Variants in GRM8 observed in about 807,000 individuals in gnomAD.
GRM8 encodes metabotropic glutamate receptor 8.
In GRM8, 47 loss-of-function variants were observed where a neutral mutation model predicts 87.2. That is an observed-to-expected ratio of 0.54 (90% CI 0.43 to 0.69). The LOEUF is 0.69. GRM8 is among the 30% of genes least tolerant of loss of function. The probability of loss-of-function intolerance (pLI) is 0.00; values close to 1 mark genes in which losing one functional copy is unlikely to be tolerated. For missense variants in GRM8, 1,019 were observed against 1,139.2 expected (o/e 0.89, Z 1.52); for synonymous variants, 396 against 404.5 (o/e 0.98, Z 0.25).
chr7:126,936,357 A>G (rs1030098367), intron 3 of GRM8, among the ~76,000 whole-genome samples: 1 of 152,098 alleles, frequency 6.6e-6, no homozygotes, highest in African/African-American at 2.4e-5. Context: ...TAGGAAAGAG[A>G]AAGTATTTAA....
At chr7:127,054,781 T>C (rs1819822462) in intron 3 of GRM8, among the ~76,000 whole-genome samples, 1 of 152,064 alleles carries the variant, frequency 6.6e-6, no homozygotes, top group Admixed American at 6.6e-5. Context: ...GGATAATAAA[T>C]AGGTTGTATA....
chr7:126,855,748 T>G (rs1320419861), intron 6 of GRM8, among the ~76,000 whole-genome samples: 1 of 152,162 alleles, frequency 6.6e-6, no homozygotes, highest in Non-Finnish European at 1.5e-5. Context: ...GTGCTGGGAT[T>G]ACAGGTGTGA....
chr7:126,509,397 T>C (rs1810994233), intron 9 of GRM8, among the ~76,000 whole-genome samples: 1 of 152,038 alleles, frequency 6.6e-6, no homozygotes, highest in South Asian at 2.1e-4. Context: ...AGGTAATGGC[T>C]GATACGCACA....
chr7:126,815,749 T>C (rs1793727018), intron 6 of GRM8, among the ~76,000 whole-genome samples: 1 of 152,166 alleles, frequency 6.6e-6, no homozygotes, highest in African/African-American at 2.4e-5. Context: ...GACTATAAAC[T>C]ATTCTTCTTT....
At chr7:126,978,773 A>G (rs561363945) in intron 3 of GRM8, among the ~76,000 whole-genome samples, 1 of 152,320 alleles carries the variant, frequency 6.6e-6, no homozygotes, top group African/African-American at 2.4e-5. Context: ...AAATCCTTAC[A>G]AAAGACTTTC....
At chr7:126,973,262 G>T (rs1369921700) in intron 3 of GRM8, among the ~76,000 whole-genome samples, 1 of 152,156 alleles carries the variant, frequency 6.6e-6, no homozygotes, top group East Asian at 1.9e-4. Context: ...GATGCTGCTG[G>T]TCTGCAGACC....
chr7:126,947,708 C>T (rs1391694736), intron 3 of GRM8, among the ~76,000 whole-genome samples: 1 of 152,110 alleles, frequency 6.6e-6, no homozygotes, highest in African/African-American at 2.4e-5. Flanking sequence ...CATAAAACAA[C>T]CTTTTCATTC....
intron 8 of GRM8, among the ~76,000 whole-genome samples, chr7:126,601,260 C>G (rs1797727700): frequency 1.3e-5 from 2 of 152,020 alleles, no homozygotes; most frequent in South Asian, 4.1e-4. Flanking sequence ...ACGACATGAA[C>G]TCATCATTTT....
intron 7 of GRM8, among the ~76,000 whole-genome samples, chr7:126,619,805 C>T (rs572915160): frequency 6.6e-6 from 1 of 152,228 alleles, no homozygotes; most frequent in South Asian, 2.1e-4. Context: ...ATCCTCCAAC[C>T]TTGGCCTCCT....
chr7:126,794,630 T>A (rs1821760527), intron 6 of GRM8, among the ~76,000 whole-genome samples: 1 of 152,214 alleles, frequency 6.6e-6, no homozygotes, highest in Non-Finnish European at 1.5e-5. Context: ...TTCTGAGTTT[T>A]AAAAAATAAC....
chr7:126,977,444 G>T lies in GRM8; in HGVS notation c.728-72761C>A, dbSNP rs540634956. 3.9e-4 allele frequency among the ~76,000 whole-genome samples: 60 copies of T among 152,168 alleles called. 1 individual carries two copies. The highest frequency in any genetic ancestry group is 1.2e-4 in the Non-Finnish European group (8 of 68,020). On this transcript the variant is annotated intron_variant, in intron 3 of 10. Coordinates refer to ENST00000339582, the MANE Select transcript of GRM8 (RefSeq NM_000845.3). ...GAATCAAAGGGTACTGCTTGTCTAA[G>T]AAATATGCTAAAGAGAGGACAACAC...
At chr7:127,067,104 G>T (rs937349531) in intron 3 of GRM8, among the ~76,000 whole-genome samples, 1 of 152,156 alleles carries the variant, frequency 6.6e-6, no homozygotes, top group Admixed American at 6.5e-5. Context: ...TCTAAAGTAG[G>T]CTCTCTCCAT....
At chr7:126,909,042 G>A (rs1024515927) in intron 3 of GRM8, among the ~76,000 whole-genome samples, 5 of 152,144 alleles carry the variant, frequency 3.3e-5, no homozygotes, top group South Asian at 2.1e-4. Context: ...AAGCACTCAT[G>A]GTCTACTATG....
chr7:127,123,356 T>A (rs1439161898), intron 2 of GRM8, among the ~76,000 whole-genome samples: 2 of 152,064 alleles, frequency 1.3e-5, no homozygotes, highest in African/African-American at 4.8e-5. Flanking sequence ...CTGGGGGGAA[T>A]CCTTCCTGAA....
chr7:127,172,023 T>G, intron 2 of GRM8, among the ~76,000 whole-genome samples: 1 of 143,800 alleles, frequency 7.0e-6, no homozygotes, highest in African/African-American at 2.5e-5. Context: ...GGATATTACT[T>G]GCAAAAAAAA....
At chr7:126,626,432 T>C (rs1005758997) in intron 7 of GRM8, among the ~76,000 whole-genome samples, 27 of 152,158 alleles carry the variant, frequency 1.8e-4, no homozygotes, top group Admixed American at 1.6e-3. Context: ...GAGGTAGAAA[T>C]ACAATTTCAC....
intron 7 of GRM8, among the ~76,000 whole-genome samples, chr7:126,682,195 T>C (rs1199250461): frequency 6.6e-6 from 1 of 150,600 alleles, no homozygotes; most frequent in East Asian, 1.9e-4. Flanking sequence ...TCCCTTTAGA[T>C]CAGAGATAGA....
chr7:126,742,503 T>C (rs1456747782), intron 7 of GRM8, among the ~76,000 whole-genome samples: 2 of 151,732 alleles, frequency 1.3e-5, no homozygotes, highest in Non-Finnish European at 2.9e-5. Flanking sequence ...CCCACCACAC[T>C]TACCACTTCT....
At chr7:127,008,996 TC>T (rs1586738712) in intron 3 of GRM8, among the ~76,000 whole-genome samples, 2 of 152,122 alleles carry the variant, frequency 1.3e-5, no homozygotes, top group East Asian at 3.9e-4. Flanking sequence ...TCATTTGCAT[TC>T]TTTCTTCTTT....
Sources: gnomAD v4.1 joint callset for allele counts (sites outside exome capture counted in the v4.1 genomes callset) on GRCh38, gnomAD v4.1.1 for gene constraint, MANE v1.5 for transcripts, NCBI Gene and HGNC (gene_info 2026-07-23, HGNC 2026-07-21) for gene names.